Variants in IRX4 observed in about 807,000 individuals in gnomAD.
The protein encoded by IRX4 is iroquois-class homeodomain protein IRX-4.
Under a neutral mutation model 32.0 loss-of-function variants are expected in IRX4, and 22 were observed. The observed-to-expected ratio is 0.69, with a 90% CI of 0.49 to 0.98. The LOEUF (loss-of-function observed/expected upper bound fraction) is 0.98, where lower values mean the gene tolerates loss of function less well. Among genes scored for constraint, IRX4 ranks in the 50% least tolerant of loss-of-function variants. The pLI, the probability that IRX4 is intolerant of heterozygous loss-of-function variation, is 0.00. For synonymous variants in IRX4, 379 were observed against 351.7 expected (o/e 1.08, Z -0.87); for missense variants, 840 against 744.2 (o/e 1.13, Z -1.50).
At chr5:1,883,569 T>C (rs1426344453), upstream of IRX4, among the ~76,000 whole-genome samples, 3 of 152,216 alleles carry the variant, frequency 2.0e-5, no homozygotes, top group Non-Finnish European at 4.4e-5. Flanking sequence ...TTCGGGGCCT[T>C]AGTTGGAGCC....
intron 4 of IRX4, 107 bp downstream of exon 4, chr5:1,879,395 TAG>T: frequency 6.5e-7 from 1 of 1,536,878 alleles, no homozygotes; most frequent in South Asian, 1.2e-5. Flanking sequence ...GGTGACCGCC[TAG>T]GCATGGGGCT....
upstream of IRX4, among the ~76,000 whole-genome samples, chr5:1,885,808 C>T (rs1214709487): frequency 6.6e-6 from 1 of 152,284 alleles, no homozygotes; most frequent in South Asian, 2.1e-4. Context: ...AAGCCTGGAG[C>T]GGAGGCACCC....
chr5:1,879,380 T>A, intron 4 of IRX4, 124 bp downstream of exon 4: 1 of 1,483,948 alleles, frequency 6.7e-7, no homozygotes, highest in Non-Finnish European at 9.1e-7. Context: ...AGAACCGGTT[T>A]GCACGGTGAC....
At chr5:1,880,128 G>GGAT in intron 3 of IRX4, 2 of 1,535,526 alleles carry the variant, frequency 1.3e-6, no homozygotes, top group South Asian at 2.4e-5. Context: ...GGGGATGACC[G>GGAT]CCTAGCCGTT....
chr5:1,885,789 C>CAA (rs1360665314), upstream of IRX4, among the ~76,000 whole-genome samples: 3 of 152,280 alleles, frequency 2.0e-5, no homozygotes, highest in African/African-American at 7.2e-5. Flanking sequence ...GTGCCTTCAC[C>CAA]AAAAGGCCAA....
Position 1,877,960 on chromosome 5 carries a change from C to G in IRX4, c.*9G>C. ...GCGGGTTCCCTCCTGGGCTCGGGAC[C>G]CGCCCGCCTCAGGCGCAGAAGGGTT... On this transcript the variant is annotated 3_prime_UTR_variant, in exon 5 of 5. Coordinates refer to ENST00000231357, the MANE Select transcript of IRX4 (RefSeq NM_016358.3). 1 of 1,492,140 alleles carries G rather than the reference C, an allele frequency of 6.7e-7. No homozygotes were observed. The highest frequency in any genetic ancestry group is 1.3e-5 in the South Asian group (1 of 79,932). The allele number at this position is 1,492,140 out of a possible 1,614,324, so 92.4% of individuals were successfully genotyped here.
chr5:1,883,781 G>C (rs575646531), upstream of IRX4, among the ~76,000 whole-genome samples: 2 of 152,118 alleles, frequency 1.3e-5, no homozygotes, highest in South Asian at 4.1e-4. Flanking sequence ...GCCGTGCTCC[G>C]CCGGCTTCCC....
chr5:1,885,365 C>A (rs546024069), upstream of IRX4, among the ~76,000 whole-genome samples: 3 of 152,342 alleles, frequency 2.0e-5, no homozygotes, highest in Admixed American at 2.0e-4. Context: ...CCACCTTCTC[C>A]TGTTCTCTTT....
At chr5:1,881,673 G>A in intron 2 of IRX4, 135 bp downstream of exon 2, 1 of 1,142,974 alleles carries the variant, frequency 8.7e-7, no homozygotes, top group East Asian at 2.6e-5. Flanking sequence ...GAGGCGCAAA[G>A]TTGAAGGCAG....
At chr5:1,881,629 G>C (rs1179681923) in intron 2 of IRX4, among the ~76,000 whole-genome samples, 179 bp downstream of exon 2, 5 of 151,938 alleles carry the variant, frequency 3.3e-5, no homozygotes, top group Admixed American at 2.0e-4. Flanking sequence ...TCTGTCCCAG[G>C]GGGTGGGGGT....
chr5:1,883,452 C>T (rs1735525484), upstream of IRX4, among the ~76,000 whole-genome samples: 2 of 152,172 alleles, frequency 1.3e-5, no homozygotes, highest in Admixed American at 1.3e-4. Flanking sequence ...GAATCAGCAA[C>T]GCCTCCCGCC....
Position 1,881,989 on chromosome 5 carries a change from G to A in IRX4, c.116C>T (p.Pro39Leu), listed in dbSNP as rs954145228. 7 of 1,549,748 alleles carry A rather than the reference G, an allele frequency of 4.5e-6. No homozygotes were observed. The highest frequency in any genetic ancestry group is 5.2e-6 in the Non-Finnish European group (6 of 1,147,214). ...GACCGGCGCCTGGGCCGAGGCGGCG[G>A]GCCCGGAGTCCGCCAGCGTGCGGCC... is the stretch of plus-strand genomic sequence containing the variant. ...SGGRTLADSG[P>L]AASAQAPVYC... Residue 39 changes from proline to leucine, a missense_variant, in exon 2 of 5, where the codon CCC becomes CTC. By Grantham distance (98) the Pro-to-Leu change is moderately conservative (BLOSUM62 -3). Around this residue, in one of 3 missense-constraint regions of IRX4, gnomAD observed 241 missense variants for 220.8 expected, o/e 1.09. Transcript: ENST00000231357.
At chr5:1,880,623 T>C in intron 3 of IRX4, 102 bp downstream of exon 3, 1 of 806,004 alleles carries the variant, frequency 1.2e-6, no homozygotes. Flanking sequence ...TCTTCCTGCC[T>C]CCCGCCTTCC....
At chr5:1,886,788 C>T (rs1166130271), upstream of IRX4, 1 of 152,044 alleles carries the variant, frequency 6.6e-6, no homozygotes. Context: ...AGCCTAGCGA[C>T]GGGTAGCAAA....
At chr5:1,878,823 G>A (rs201520926) in intron 4 of IRX4, 31 bp from the exon 5 acceptor site, 252 of 1,608,172 alleles carry the variant, frequency 1.6e-4, no homozygotes, top group Non-Finnish European at 2.0e-4. Flanking sequence ...CCAGTGGAGG[G>A]AGAGGGTTGG....
chr5:1,878,693 A>C lies in IRX4; in HGVS notation c.836T>G (p.Phe279Cys). The C allele has an allele frequency of 6.2e-7, 1 of 1,610,272 alleles. No homozygotes were observed. Among genetic ancestry groups the C allele is most frequent in the Non-Finnish European group, 8.5e-7 (1 of 1,179,030 alleles). ...CTCCAGACCGCCGTCCAGGGAGTGGAAGGGCGGCTTCAGCTCGCACGCCGG... is the reference window on the plus strand; with the variant it reads ...CTCCAGACCGCCGTCCAGGGAGTGGCAGGGCGGCTTCAGCTCGCACGCCGG... ...EPPACELKPPFHSLDGGLERV... is the reference protein window; with the variant it reads ...EPPACELKPPCHSLDGGLERV... The change falls in exon 5 of 5, where the codon TTC becomes TGC. Residue 279 changes from phenylalanine to cysteine, a missense_variant. Phe to Cys is a radical substitution (Grantham distance 205). Transcript: ENST00000231357.
chr5:1,881,007 G>T, intron 2 of IRX4, 173 bp from the exon 3 acceptor site: 1 of 571,116 alleles, frequency 1.8e-6, no homozygotes, highest in Non-Finnish European at 3.2e-6. Context: ...TCGCAAACCT[G>T]AAGTGGGGAT....
rs776904472 is a variant in IRX4, at chr5:1,878,279, G to T, written c.1250C>A (p.Ala417Asp). The change falls in exon 5 of 5, where the codon GCC becomes GAC. Residue 417 changes from alanine to aspartate, a missense_variant. By Grantham distance (126) the Ala-to-Asp change is moderately radical. Coordinates refer to ENST00000231357, the MANE Select transcript of IRX4 (RefSeq NM_016358.3). ...GTCCAGGGCGCCAGAGTGGGGAAGG[G>T]CCACAGACGGGGACGTGGCGGGCGC... ...SSAPATSPSVALPHSGALDRH... is the reference protein window; with the variant it reads ...SSAPATSPSVDLPHSGALDRH... 3.8e-6 allele frequency: 6 copies of T among 1,599,374 alleles called. No homozygotes were observed. The East Asian group carries it at 1.4e-4, about 36-fold the overall frequency.
Position 1,879,515 on chromosome 5 carries a change from G to A in IRX4, c.725C>T (p.Ser242Phe), listed in dbSNP as rs756079054. 7 of 1,613,158 alleles carry A rather than the reference G, an allele frequency of 4.3e-6. No homozygotes were observed. The East Asian group carries it at 1.6e-4, about 36-fold the overall frequency. ...ACCTCCCAACCCACCTGCGTTCTTG[G>A]AGCTCTTGAGGGGCTCCTCCCGCGC... ...EEAREEPLKS[S>F]KNAEPVGKEE... is the part of the protein sequence containing the mutation. Residue 242 changes from serine to phenylalanine, a missense_variant, in exon 4 of 5, where the codon TCC becomes TTC. This residue lies in a region of IRX4 where 585 missense variants were observed against 488.0 expected (regional missense o/e 1.20). Transcript: ENST00000231357.
Sources: gnomAD v4.1 joint callset for allele counts (sites outside exome capture counted in the v4.1 genomes callset) on GRCh38, gnomAD v4.1.1 for gene constraint, gnomAD v4.1.1 regional missense constraint, MANE v1.5 for transcripts, NCBI Gene and HGNC (gene_info 2026-07-23, HGNC 2026-07-21) for gene names.